GFRA1: variants seen among roughly 807,000 people sequenced by gnomAD.
The protein encoded by GFRA1 is GDNF family receptor alpha 1.
A neutral mutation model predicts 51.6 loss-of-function variants in GFRA1; 16 were observed. The ratio of observed to expected loss-of-function variants is 0.31; its 90% CI spans 0.21 to 0.47. GFRA1 has a LOEUF of 0.47. Ranked by LOEUF, GFRA1 falls within the 20% of genes least tolerant of loss-of-function variation. The pLI is 1.00. For synonymous variants in GFRA1, 270 were observed against 241.3 expected (o/e 1.12, Z -1.10); for missense variants, 530 against 594.3 (o/e 0.89, Z 1.13).
intron 5 of GFRA1, among the ~76,000 whole-genome samples, chr10:116,128,966 T>C (rs556249454): frequency 6.6e-6 from 1 of 152,146 alleles, no homozygotes; most frequent in Non-Finnish European, 1.5e-5. Flanking sequence ...TAGCCTCACT[T>C]TCTACTGATT....
intron 9 of GFRA1, among the ~76,000 whole-genome samples, chr10:116,087,973 G>T (rs1427338591): frequency 6.6e-6 from 1 of 152,012 alleles, no homozygotes; most frequent in Non-Finnish European, 1.5e-5. Flanking sequence ...GTAAATGCCC[G>T]GGAAATGCTT....
chr10:116,097,360 G>A (rs1317091936), intron 6 of GFRA1, among the ~76,000 whole-genome samples: 1 of 152,186 alleles, frequency 6.6e-6, no homozygotes, highest in African/African-American at 2.4e-5. Context: ...GGGAAGCCAA[G>A]AGGGACAGAG....
chr10:116,231,226 A>G (rs1269685115), intron 4 of GFRA1, among the ~76,000 whole-genome samples: 1 of 152,126 alleles, frequency 6.6e-6, no homozygotes, highest in Non-Finnish European at 1.5e-5. Flanking sequence ...CAGGCACAAG[A>G]CCTGTCCTAA....
intron 5 of GFRA1, among the ~76,000 whole-genome samples, chr10:116,132,893 T>C (rs934403108): frequency 3.9e-5 from 6 of 152,170 alleles, no homozygotes; most frequent in Non-Finnish European, 8.8e-5. Flanking sequence ...AGCCCGCCTG[T>C]GTTTTACGGT....
At chr10:116,171,086 T>C (rs1228965194) in intron 5 of GFRA1, among the ~76,000 whole-genome samples, 1 of 152,208 alleles carries the variant, frequency 6.6e-6, no homozygotes, top group African/African-American at 2.4e-5. Flanking sequence ...TTCATGTACA[T>C]AGACACACAA....
At chr10:116,150,641 A>G (rs143898780) in intron 5 of GFRA1, among the ~76,000 whole-genome samples, 67 of 152,316 alleles carry the variant, frequency 4.4e-4, no homozygotes, top group African/African-American at 1.6e-3. Context: ...GCATCACTCT[A>G]GTATATTGAC....
chr10:116,257,580 A>G (rs1968969968), intron 4 of GFRA1, among the ~76,000 whole-genome samples: 1 of 152,254 alleles, frequency 6.6e-6, no homozygotes, highest in Non-Finnish European at 1.5e-5. Context: ...GGTGCCTTCT[A>G]TGATGAGAGG....
rs1265645075 is a variant in GFRA1, at chr10:116,250,409, G to A, written c.418+19094C>T. Among the ~76,000 whole-genome samples the A allele has an allele frequency of 3.9e-5, 6 of 152,134 alleles. 1 individual carries two copies. The highest frequency in any genetic ancestry group is 2.6e-4 in the Admixed American group (4 of 15,278). The stretch of plus-strand genomic sequence containing the variant: ...TTTAATTCTGTTATCCATCCATCAA[G>A]TAAGGACTTGATGATGAACTTGGTG... On this transcript the variant is annotated intron_variant, in intron 4 of 10. Coordinates refer to ENST00000355422, the MANE Select transcript of GFRA1 (RefSeq NM_005264.8).
chr10:116,238,021 ACT>A (rs1200572553), intron 4 of GFRA1, among the ~76,000 whole-genome samples: 2 of 152,084 alleles, frequency 1.3e-5, no homozygotes, highest in Admixed American at 1.3e-4. Context: ...GACCAAGCAG[ACT>A]CTGAAAACCC....
chr10:116,257,879 C>G (rs553158307), intron 4 of GFRA1, among the ~76,000 whole-genome samples: 1 of 152,310 alleles, frequency 6.6e-6, no homozygotes, highest in East Asian at 1.9e-4. Flanking sequence ...CTCCTCATAC[C>G]TGCTGCTCCA....
At chr10:116,187,241 C>T (rs1268521626) in intron 5 of GFRA1, among the ~76,000 whole-genome samples, 2 of 152,268 alleles carry the variant, frequency 1.3e-5, no homozygotes, top group African/African-American at 2.4e-5. Context: ...GTGAATACTT[C>T]GTATTTGTCT....
At chr10:116,160,422 T>C (rs140452279) in intron 5 of GFRA1, among the ~76,000 whole-genome samples, 1 of 152,322 alleles carries the variant, frequency 6.6e-6, no homozygotes, top group Non-Finnish European at 1.5e-5. Context: ...CTGCAATCAG[T>C]CAGAAAATGC....
chr10:116,244,433 TTAA>T lies in GFRA1; in HGVS notation c.418+25067_418+25069del, dbSNP rs1268067598. ...AAATTTAATTTTATTTCATTTAATG[TTAA>T]TAATTAAAATTTAATTTAATTTAAT... On this transcript the variant is annotated intron_variant, in intron 4 of 10. Transcript: ENST00000355422. Among the ~76,000 whole-genome samples the T allele has an allele frequency of 9.5e-5, 14 of 147,360 alleles. No individual in the cohort carries two copies. The South Asian group carries it at 1.9e-3, about 20-fold the overall frequency.
intron 5 of GFRA1, among the ~76,000 whole-genome samples, chr10:116,207,294 G>A (rs1002305801): frequency 2.0e-5 from 3 of 152,190 alleles, no homozygotes; most frequent in African/African-American, 4.8e-5. Context: ...TGAGATCAGC[G>A]GCCATTCTGG....
At chr10:116,076,603 G>A (rs76349584) in intron 9 of GFRA1, among the ~76,000 whole-genome samples, 1,754 of 152,266 alleles carry the variant, frequency 0.012, 18 homozygotes, top group Non-Finnish European at 0.016. Context: ...GTAATGGGCC[G>A]TGAACCCCAG....
intron 9 of GFRA1, among the ~76,000 whole-genome samples, chr10:116,085,951 T>A (rs1159077890): frequency 6.6e-6 from 1 of 152,208 alleles, no homozygotes; most frequent in Non-Finnish European, 1.5e-5. Flanking sequence ...TATTCTTTCC[T>A]TCTTCCTCAC....
At chr10:116,211,498 A>G (rs1438777621) in intron 5 of GFRA1, 133 bp downstream of exon 5, 1 of 802,124 alleles carries the variant, frequency 1.2e-6, no homozygotes, top group Non-Finnish European at 2.1e-6. Context: ...CACTGTCCTC[A>G]TGGTGTCCCT....
chr10:116,188,658 C>T (rs1962958488), intron 5 of GFRA1, among the ~76,000 whole-genome samples: 1 of 152,088 alleles, frequency 6.6e-6, no homozygotes, highest in African/African-American at 2.4e-5. Context: ...AATCCCAACA[C>T]TTTGGGAGGC....
At chr10:116,199,028 G>A (rs954305904) in intron 5 of GFRA1, among the ~76,000 whole-genome samples, 1 of 152,108 alleles carries the variant, frequency 6.6e-6, no homozygotes, top group South Asian at 2.1e-4. Flanking sequence ...ACAGGCCAGG[G>A]AATACTACGG....
Sources: gnomAD v4.1 joint callset for allele counts (sites outside exome capture counted in the v4.1 genomes callset) on GRCh38, gnomAD v4.1.1 for gene constraint, MANE v1.5 for transcripts, NCBI Gene and HGNC (gene_info 2026-07-23, HGNC 2026-07-21) for gene names.